YWHAH: variants seen among roughly 807,000 people sequenced by gnomAD.
YWHAH encodes the protein tyrosine 3-monooxygenase/tryptophan 5-monooxygenase activation protein eta.
In YWHAH, 6 loss-of-function variants were observed where a neutral mutation model predicts 22.9. That is an observed-to-expected ratio of 0.26 (90% CI 0.14 to 0.52). YWHAH has a LOEUF of 0.52. YWHAH is among the 20% of genes least tolerant of loss of function. The pLI is 0.97. For synonymous variants in YWHAH, 135 were observed against 124.5 expected (o/e 1.08, Z -0.56); for missense variants, 173 against 308.6 (o/e 0.56, Z 3.29).
At chr22:31,948,048 G>A (rs1003146850) in intron 1 of YWHAH, among the ~76,000 whole-genome samples, 5 of 152,194 alleles carry the variant, frequency 3.3e-5, no homozygotes, top group African/African-American at 1.2e-4. Context: ...TAAAGTACCT[G>A]CAGAATATAT....
intron 1 of YWHAH, among the ~76,000 whole-genome samples, chr22:31,950,928 G>T (rs1030809628): frequency 6.6e-6 from 1 of 152,072 alleles, no homozygotes; most frequent in Non-Finnish European, 1.5e-5. Context: ...ACAGAGTCTT[G>T]CTCTGTCGCC....
intron 1 of YWHAH, chr22:31,950,361 C>T (rs1022428509): frequency 2.6e-6 from 2 of 779,394 alleles, no homozygotes; most frequent in African/African-American, 3.4e-5. Context: ...GTCTTCTGTC[C>T]CAGCATTTTG....
intron 1 of YWHAH, among the ~76,000 whole-genome samples, chr22:31,949,607 C>G (rs577951764): frequency 6.6e-6 from 1 of 152,180 alleles, no homozygotes; most frequent in African/African-American, 2.4e-5. Context: ...ACGCCATTCT[C>G]CTGTGTCAGC....
intron 1 of YWHAH, among the ~76,000 whole-genome samples, chr22:31,950,672 G>T (rs940976106): frequency 1.3e-5 from 2 of 152,152 alleles, no homozygotes; most frequent in South Asian, 2.1e-4. Flanking sequence ...GAACTTGCCT[G>T]CTCTGAGCTT....
intron 1 of YWHAH, among the ~76,000 whole-genome samples, chr22:31,950,845 A>T (rs1350045004): frequency 6.6e-6 from 1 of 152,054 alleles, no homozygotes; most frequent in African/African-American, 2.4e-5. Flanking sequence ...CAAGATCCTC[A>T]CTTCCTAAGC....
chr22:31,944,932 G>A, intron 1 of YWHAH, 112 bp downstream of exon 1: 1 of 1,126,018 alleles, frequency 8.9e-7, no homozygotes, highest in Non-Finnish European at 1.1e-6. Context: ...CGGCGACCCG[G>A]CTGGGCGTGG....
At position 31,944,576 on chromosome 22, in the gene YWHAH, C is replaced by T. The variant is rs534015195; in HGVS notation, c.-158C>T. 1.3e-3 allele frequency: 444 copies of T among 329,924 alleles called. 4 individuals carry two copies. The South Asian group carries it at 0.019, about 14-fold the overall frequency. 20.4% of individuals were successfully genotyped at this position (329,924 alleles called of 1,614,324 possible). ...GCCAGCGAGAGGGCGCGAGCGGCGG[C>T]GCTGCCTGCAGCCTGCAGCCTGCAG... On this transcript the variant is annotated 5_prime_UTR_variant, in exon 1 of 2. Coordinates refer to ENST00000248975, the MANE Select transcript of YWHAH (RefSeq NM_003405.4).
chr22:31,955,783 T>G (rs1250034831), intron 1 of YWHAH, among the ~76,000 whole-genome samples: 4 of 152,182 alleles, frequency 2.6e-5, no homozygotes, highest in Non-Finnish European at 5.9e-5. Context: ...GCTCGAGGTT[T>G]TCTTCTTCAC....
At chr22:31,948,143 G>A (rs1473975294) in intron 1 of YWHAH, among the ~76,000 whole-genome samples, 3 of 152,154 alleles carry the variant, frequency 2.0e-5, no homozygotes, top group Non-Finnish European at 2.9e-5. Flanking sequence ...CAGGGCAACC[G>A]GCCTGAGCCA....
At position 31,955,599 on chromosome 22, in the gene YWHAH, C is replaced by A. The variant is rs2858754; in HGVS notation, c.88-540C>A. On this transcript the variant is annotated intron_variant, in intron 1 of 1. Coordinates refer to ENST00000248975, the MANE Select transcript of YWHAH (RefSeq NM_003405.4). Reference sequence around the variant, plus strand: ...CTGGGACTACAAGCGCGTGCCACCACGCCCAGCTAATTTTTGTATTTTTAG... The same window carrying A: ...CTGGGACTACAAGCGCGTGCCACCAAGCCCAGCTAATTTTTGTATTTTTAG... Among the ~76,000 whole-genome samples the A allele has an allele frequency of 2.0e-5, 3 of 152,032 alleles. No individual in the cohort carries two copies. In the East Asian group the frequency reaches 5.8e-4, roughly 29 times the overall value.
At chr22:31,947,720 A>G (rs982067647) in intron 1 of YWHAH, among the ~76,000 whole-genome samples, 6 of 152,210 alleles carry the variant, frequency 3.9e-5, no homozygotes, top group South Asian at 2.1e-4. Flanking sequence ...AGGCTAGGCA[A>G]TTCTAGGCTA....
intron 1 of YWHAH, among the ~76,000 whole-genome samples, chr22:31,951,897 T>A (rs1234936239): frequency 1.3e-5 from 2 of 152,104 alleles, no homozygotes; most frequent in African/African-American, 4.8e-5. Flanking sequence ...TTTAAGGTTG[T>A]CCTTCAGGAA....
chr22:31,950,779 T>C (rs1056292117), intron 1 of YWHAH, among the ~76,000 whole-genome samples: 2 of 152,298 alleles, frequency 1.3e-5, no homozygotes, highest in Non-Finnish European at 1.5e-5. Context: ...TCTTGCCCAG[T>C]GGCCTGTAGG....
chr22:31,949,280 C>G (rs560504510), intron 1 of YWHAH, among the ~76,000 whole-genome samples: 135 of 151,630 alleles, frequency 8.9e-4, no homozygotes, highest in African/African-American at 3.2e-3. Flanking sequence ...GCTGGGATTA[C>G]AGGCATGCAC....
chr22:31,946,107 C>T (rs931087812), intron 1 of YWHAH, among the ~76,000 whole-genome samples: 1 of 152,186 alleles, frequency 6.6e-6, no homozygotes, highest in African/African-American at 2.4e-5. Flanking sequence ...TGCCTTTCCT[C>T]TGGTGTCCTT....
chr22:31,956,477 G>A lies in YWHAH; in HGVS notation c.426G>A (p.Lys142=). ...TAGCAGAGGTCGCTTCTGGGGAGAA[G>A]AAAAACAGTGTGGTCGAAGCTTCTG... The part of the protein sequence containing the change: ...RYLAEVASGE[K]KNSVVEASEA... Residue 142 remains lysine (K), a synonymous_variant, in exon 2 of 2, where the codon AAG becomes AAA. Coordinates refer to ENST00000248975, the MANE Select transcript of YWHAH (RefSeq NM_003405.4). The surrounding 1 kb of genome is among the most constrained non-coding windows in gnomAD (Gnocchi z 5.1). 1 of 1,614,178 alleles carries A rather than the reference G, an allele frequency of 6.2e-7. No homozygotes were observed. Among genetic ancestry groups the A allele is most frequent in the Non-Finnish European group, 8.5e-7 (1 of 1,180,024 alleles).
chr22:31,945,775 G>T, intron 1 of YWHAH: 3 of 1,033,494 alleles, frequency 2.9e-6, no homozygotes, highest in South Asian at 3.3e-5. Context: ...CTGAGACCTG[G>T]GAGGATCCCC....
chr22:31,953,374 G>A (rs2093845674), intron 1 of YWHAH, among the ~76,000 whole-genome samples: 1 of 152,198 alleles, frequency 6.6e-6, no homozygotes, highest in Non-Finnish European at 1.5e-5. Flanking sequence ...ATTCAGAAGT[G>A]TTGTTCGTTA....
In YWHAH at chr22:31,944,719, C is replaced by A. The variant is rs1471183446; in HGVS notation, c.-15C>A. The A allele has an allele frequency of 1.0e-5, 14 of 1,387,632 alleles. No individual in the cohort carries two copies. Among genetic ancestry groups the A allele is most frequent in the Non-Finnish European group, 1.3e-5 (14 of 1,062,374 alleles). The allele number at this position is 1,387,632 out of a possible 1,614,324, so 86.0% of individuals were successfully genotyped here. On this transcript the variant is annotated 5_prime_UTR_variant, in exon 1 of 2. Transcript: ENST00000248975. ...AGCGGTGTGAGGCGCGAGGCGAGGC[C>A]GAGCCGCGAGCGACATGGGGGACCG...
Sources: allele counts gnomAD v4.1 joint callset (sites outside exome capture counted in the v4.1 genomes callset), GRCh38; gene constraint gnomAD v4.1.1; non-coding constraint Gnocchi (gnomAD v3.1); transcripts MANE v1.5; gene names NCBI Gene and HGNC (gene_info 2026-07-23, HGNC 2026-07-21).